The following SNAPC3 variants were observed in gnomAD, a reference collection of about 807,000 sequenced individuals.
SNAPC3 encodes small nuclear RNA activating complex polypeptide 3.
In SNAPC3, 56 loss-of-function variants were observed where a neutral mutation model predicts 47.7. The ratio of observed to expected loss-of-function variants is 1.18; its 90% CI spans 0.95 to 1.47. SNAPC3 has a LOEUF of 1.47. SNAPC3 is among the 40% of genes most tolerant of loss of function. The probability of loss-of-function intolerance (pLI) is 0.00; values close to 1 mark genes in which losing one functional copy is unlikely to be tolerated. For synonymous variants in SNAPC3, 235 were observed against 189.9 expected (o/e 1.24, Z -1.95); for missense variants, 665 against 511.3 (o/e 1.30, Z -2.90).
chr9:15,454,875 A>T (rs1387324935), intron 7 of SNAPC3, among the ~76,000 whole-genome samples: 1 of 152,198 alleles, frequency 6.6e-6, no homozygotes, highest in East Asian at 1.9e-4. Flanking sequence ...TGGAGCATGC[A>T]GTGAGCTGAG....
Position 15,449,166 on chromosome 9 carries a change from C to CA in SNAPC3, c.732+1930dup, listed in dbSNP as rs1050141533. ...CTTCTGCAAAGTTTTTTAACCTTGT[C>CA]AAAAAAAACGTAAGATGTAACTGTT... On this transcript the variant is annotated intron_variant, in intron 5 of 8. Coordinates refer to ENST00000380821, the MANE Select transcript of SNAPC3 (RefSeq NM_001039697.2). Among the ~76,000 whole-genome samples, 15 of 151,322 alleles carry CA rather than the reference C, an allele frequency of 9.9e-5. No individual in the cohort carries two copies. In the East Asian group the frequency reaches 1.2e-3, roughly 12 times the overall value.
chr9:15,433,523 T>C, intron 2 of SNAPC3, 29 bp from the exon 3 acceptor site: 7 of 987,882 alleles, frequency 7.1e-6, no homozygotes, highest in Non-Finnish European at 8.6e-6. Flanking sequence ...TGAACTTTGA[T>C]TTTTTTTTTT....
chr9:15,435,038 A>G (rs1332340746), intron 3 of SNAPC3, among the ~76,000 whole-genome samples: 1 of 152,162 alleles, frequency 6.6e-6, no homozygotes, highest in African/African-American at 2.4e-5. Context: ...TCAGTAATGC[A>G]TGAAGGTTCC....
At chr9:15,463,349 C>G (rs766585591), downstream of SNAPC3, 1 of 149,938 alleles carries the variant, frequency 6.7e-6, no homozygotes. Context: ...CTCAGCCTCC[C>G]GAGGAGCTGG....
chr9:15,447,227 C>T lies in SNAPC3; in HGVS notation c.715C>T (p.Pro239Ser). ...ATTCAGCAACACTCCTGACCAAGCCCCTGAGCACATCAGCAAAGTAAGGTG... is the reference window on the plus strand; with the variant it reads ...ATTCAGCAACACTCCTGACCAAGCCTCTGAGCACATCAGCAAAGTAAGGTG... ...GEFSNTPDQA[P>S]EHISKDLYKS... The change falls in exon 5 of 9, where the codon CCT (proline) becomes TCT (serine). Residue 239 changes from proline to serine, a missense_variant. Coordinates refer to ENST00000380821, the MANE Select transcript of SNAPC3 (RefSeq NM_001039697.2). 1 of 1,614,040 alleles carries T rather than the reference C, an allele frequency of 6.2e-7. No homozygotes were observed. Among genetic ancestry groups the T allele is most frequent in the South Asian group, 1.1e-5 (1 of 91,082 alleles).
At chr9:15,448,788 GC>G (rs2034138747) in intron 5 of SNAPC3, among the ~76,000 whole-genome samples, 1 of 152,100 alleles carries the variant, frequency 6.6e-6, no homozygotes, top group Non-Finnish European at 1.5e-5. Context: ...AAAATTTTAC[GC>G]GGAGCAGGAA....
chr9:15,461,223 G>A lies in SNAPC3; in HGVS notation c.*1357G>A, dbSNP rs151327712. The stretch of plus-strand genomic sequence containing the variant: ...CACCCAGGCTGGAGTACAGTGGCGT[G>A]ATCTTGGCTCACTGGAGCCCTGACC... On this transcript the variant is annotated 3_prime_UTR_variant, in exon 9 of 9. Transcript: ENST00000380821. 3.3e-5 allele frequency: 5 copies of A among 152,044 alleles called. No homozygotes were observed. The highest frequency in any genetic ancestry group is 7.3e-5 in the Non-Finnish European group (5 of 68,050). 9.4% of individuals were successfully genotyped at this position (152,044 alleles called of 1,614,324 possible). A position where few individuals can be genotyped will look rare whatever the true frequency, so the allele number is the denominator to read the frequency against.
chr9:15,434,931 T>A (rs1268374932), intron 3 of SNAPC3, among the ~76,000 whole-genome samples: 1 of 152,214 alleles, frequency 6.6e-6, no homozygotes, highest in Non-Finnish European at 1.5e-5. Flanking sequence ...CCTTTTTCAT[T>A]TATTTTGCGT....
intron 5 of SNAPC3, among the ~76,000 whole-genome samples, chr9:15,449,182 T>C (rs372972611): frequency 6.6e-5 from 10 of 152,144 alleles, no homozygotes; most frequent in African/African-American, 1.7e-4. Flanking sequence ...AAACGTAAGA[T>C]GTAACTGTTA....
At chr9:15,461,634 GTATT>G (rs1257410200), downstream of SNAPC3, 2 of 152,190 alleles carry the variant, frequency 1.3e-5, no homozygotes, top group African/African-American at 2.4e-5. Context: ...CTCCTAGGTT[GTATT>G]TAAATTTGAC....
At chr9:15,457,838 G>T in intron 7 of SNAPC3, 122 bp from the exon 8 acceptor site, 1 of 630,426 alleles carries the variant, frequency 1.6e-6, no homozygotes, top group Non-Finnish European at 2.7e-6. Context: ...GCAACATCTT[G>T]TAAGCAAAAA....
intron 2 of SNAPC3, among the ~76,000 whole-genome samples, chr9:15,425,479 A>T (rs2031247884): frequency 6.6e-6 from 1 of 152,124 alleles, no homozygotes; most frequent in South Asian, 2.1e-4. Flanking sequence ...CGTTCTCCCA[A>T]AGTGCTAGGA....
chr9:15,423,915 TAA>T lies in SNAPC3; in HGVS notation c.323_324del (p.Lys108ThrfsTer5). 1 of 1,563,932 alleles carries T rather than the reference TAA, an allele frequency of 6.4e-7. No homozygotes were observed. Among genetic ancestry groups the T allele is most frequent in the Non-Finnish European group, 8.6e-7 (1 of 1,156,392 alleles). On this transcript the variant is annotated frameshift_variant, in exon 2 of 9. Coordinates refer to ENST00000380821, the MANE Select transcript of SNAPC3 (RefSeq NM_001039697.2). LOFTEE classifies it high-confidence loss of function. ...CTTTTCCTTTTTGTTTTAGCCTTGA[TAA>T]ACTGAAATGCCTTGAGGACGGTGAG... The part of the protein sequence containing the change: ...AELRAVCGLD[K>X]LKCLEDGEDP...
At chr9:15,452,563 C>T (rs1348065089) in intron 6 of SNAPC3, among the ~76,000 whole-genome samples, 3 of 152,090 alleles carry the variant, frequency 2.0e-5, no homozygotes, top group Non-Finnish European at 4.4e-5. Flanking sequence ...AGCGATCCGC[C>T]CACCTCGGCC....
chr9:15,431,757 G>C (rs1290248731), intron 2 of SNAPC3: 1 of 151,982 alleles, frequency 6.6e-6, no homozygotes, highest in Non-Finnish European at 1.5e-5. Context: ...AAACCAACTA[G>C]GATGTAGGGG....
At chr9:15,451,438 A>G (rs1173826177) in intron 6 of SNAPC3, 36 bp downstream of exon 6, 3 of 985,598 alleles carry the variant, frequency 3.0e-6, no homozygotes, top group South Asian at 1.6e-5. Context: ...AGTCTTTCCT[A>G]TTTCTAGTTA....
chr9:15,439,173 T>C (rs1587261329), intron 3 of SNAPC3, among the ~76,000 whole-genome samples: 1 of 152,120 alleles, frequency 6.6e-6, no homozygotes, highest in East Asian at 1.9e-4. Flanking sequence ...CTATGCTGAG[T>C]TAAGTTTTTG....
At chr9:15,464,812 G>T (rs973171638), downstream of SNAPC3, 2 of 207,458 alleles carry the variant, frequency 9.6e-6, no homozygotes, top group Admixed American at 1.2e-4. Context: ...TGTCTGCAAA[G>T]AAGTCCTAAG....
chr9:15,466,325 G>C (rs2035623887), downstream of SNAPC3, among the ~76,000 whole-genome samples: 1 of 152,202 alleles, frequency 6.6e-6, no homozygotes. Flanking sequence ...GTTGCAGTGA[G>C]CACGATCGTG....
Sources: allele counts gnomAD v4.1 joint callset (sites outside exome capture counted in the v4.1 genomes callset), GRCh38; gene constraint gnomAD v4.1.1; transcripts MANE v1.5; gene names NCBI Gene and HGNC (gene_info 2026-07-23, HGNC 2026-07-21).